Variants in NUMB observed in about 807,000 individuals in gnomAD.
The protein encoded by NUMB is NUMB endocytic adaptor protein.
A neutral mutation model predicts 59.7 loss-of-function variants in NUMB; 29 were observed. The ratio of observed to expected loss-of-function variants is 0.49; its 90% CI spans 0.36 to 0.66. The LOEUF (loss-of-function observed/expected upper bound fraction) is 0.66, where lower values mean the gene tolerates loss of function less well. Among genes scored for constraint, NUMB ranks in the 30% least tolerant of loss-of-function variants. The pLI is 0.00. For synonymous variants in NUMB, 288 were observed against 288.2 expected, an observed-to-expected ratio of 1.00 and a Z score of 0.01; for missense variants, 723 against 822.0, an observed-to-expected ratio of 0.88 and a Z score of 1.47.
intron 1 of NUMB, among the ~76,000 whole-genome samples, chr14:73,440,235 CCATATAT>C (rs1349811268): frequency 3.1e-5 from 3 of 95,272 alleles, no homozygotes; most frequent in African/African-American, 8.1e-5. Flanking sequence ...ATATGGATAT[CCATATAT>C]ATATACATCC....
chr14:73,334,286 C>T (rs79746286), intron 4 of NUMB, among the ~76,000 whole-genome samples: 1 of 152,282 alleles, frequency 6.6e-6, no homozygotes, highest in Non-Finnish European at 1.5e-5. Context: ...GACTGCTCAT[C>T]TGCGATACTT....
At chr14:73,357,555 G>C (rs1893864288) in intron 3 of NUMB, among the ~76,000 whole-genome samples, 1 of 151,710 alleles carries the variant, frequency 6.6e-6, no homozygotes, top group Non-Finnish European at 1.5e-5. Flanking sequence ...TCAGGAATTT[G>C]AATTTGAGAC....
rs151055012 is a variant in NUMB at position 73,382,447 on chromosome 14, C to CAA, written c.-100-15468_-100-15467dup. Among the ~76,000 whole-genome samples the CAA allele has an allele frequency of 1.0e-3, 135 of 132,924 alleles. 1 individual carries two copies. Among genetic ancestry groups the CAA allele is most frequent in the South Asian group, 1.6e-3 (7 of 4,284 alleles). The allele number at this position is 132,924 out of a possible 152,430, so 87.2% of individuals were successfully genotyped here. A position where few individuals can be genotyped will look rare whatever the true frequency, so the allele number is the denominator to read the frequency against. On this transcript the variant is annotated intron_variant, in intron 2 of 12. Transcript: ENST00000555238. ...CCAGCCAAAGTGCCTATTTTTATAG[C>CAA]AAAAAAAAAAAAAAGTAAGCAGAAC... is the stretch of plus-strand genomic sequence containing the variant.
At chr14:73,289,737 GT>G (rs1484893008) in intron 8 of NUMB, among the ~76,000 whole-genome samples, 7 of 152,174 alleles carry the variant, frequency 4.6e-5, no homozygotes, top group African/African-American at 9.7e-5. Flanking sequence ...ATCCACATGA[GT>G]TTCCATCTAA....
chr14:73,385,308 CTTTTTTTTTT>C (rs1174960370), intron 2 of NUMB, among the ~76,000 whole-genome samples: 15 of 112,302 alleles, frequency 1.3e-4, no homozygotes, highest in African/African-American at 4.2e-4. Flanking sequence ...CCAGTTAATT[CTTTTTTTTTT>C]TTTTTTTTTG....
chr14:73,353,072 G>GTTTTTCTTTTTTTCTTTTTTT, intron 4 of NUMB, among the ~76,000 whole-genome samples: 1 of 58,522 alleles, frequency 1.7e-5, no homozygotes, highest in East Asian at 6.3e-4. Context: ...AGTTTTTCTT[G>GTTTTTCTTTTTTTCTTTTTTT]TTTTTTTTTT....
intron 1 of NUMB, among the ~76,000 whole-genome samples, chr14:73,413,129 G>A (rs1595008589): frequency 6.6e-6 from 1 of 151,486 alleles, no homozygotes; most frequent in African/African-American, 2.4e-5. Context: ...CTGTCACCCA[G>A]GCTGGAGTGC....
At chr14:73,386,705 T>G (rs961007130) in intron 2 of NUMB, among the ~76,000 whole-genome samples, 4 of 152,052 alleles carry the variant, frequency 2.6e-5, no homozygotes, top group Non-Finnish European at 5.9e-5. Flanking sequence ...ATTCAACATT[T>G]GTTCTATATA....
At chr14:73,409,584 C>T (rs1896819379) in intron 2 of NUMB, 1 of 152,248 alleles carries the variant, frequency 6.6e-6, no homozygotes, top group Non-Finnish European at 1.5e-5. Flanking sequence ...CTTGCTCAAA[C>T]TGCAAATATA....
intron 2 of NUMB, among the ~76,000 whole-genome samples, chr14:73,367,322 CAT>C (rs1352545057): frequency 1.8e-3 from 170 of 92,290 alleles, no homozygotes; most frequent in African/African-American, 2.3e-3. Context: ...CACACACACA[CAT>C]ATATACATAT....
intron 4 of NUMB, among the ~76,000 whole-genome samples, chr14:73,350,545 A>T (rs977277505): frequency 9.6e-5 from 14 of 146,476 alleles, no homozygotes; most frequent in Non-Finnish European, 1.8e-4. Flanking sequence ...ACCTTTACCT[A>T]CTTTTTTTTC....
At chr14:73,279,764 C>T (rs1049589740) in intron 11 of NUMB, among the ~76,000 whole-genome samples, 1 of 152,248 alleles carries the variant, frequency 6.6e-6, no homozygotes, top group African/African-American at 2.4e-5. Flanking sequence ...AAATATCTAA[C>T]TATTCTAGAT....
At chr14:73,418,814 G>GA (rs973456140) in intron 1 of NUMB, among the ~76,000 whole-genome samples, 10 of 150,506 alleles carry the variant, frequency 6.6e-5, no homozygotes, top group African/African-American at 9.8e-5. Flanking sequence ...ACCACATAAG[G>GA]AAAAAAAAAG....
intron 5 of NUMB, among the ~76,000 whole-genome samples, chr14:73,319,852 C>T (rs1891303192): frequency 6.6e-6 from 1 of 152,082 alleles, no homozygotes; most frequent in Non-Finnish European, 1.5e-5. Context: ...AAAGGGGAGG[C>T]CAGGTGCAGC....
At chr14:73,377,726 G>A (rs575433423) in intron 2 of NUMB, among the ~76,000 whole-genome samples, 1 of 152,268 alleles carries the variant, frequency 6.6e-6, no homozygotes, top group East Asian at 1.9e-4. Context: ...CAGCACTTTG[G>A]GAGGCCAAGG....
At chr14:73,408,962 A>G (rs532035000) in intron 2 of NUMB, among the ~76,000 whole-genome samples, 10 of 152,244 alleles carry the variant, frequency 6.6e-5, no homozygotes, top group South Asian at 6.2e-4. Context: ...TATTTTCAAT[A>G]TCATCCTCTA....
chr14:73,303,861 G>A (rs1566734810), intron 6 of NUMB, among the ~76,000 whole-genome samples: 1 of 152,138 alleles, frequency 6.6e-6, no homozygotes, highest in Non-Finnish European at 1.5e-5. Context: ...GGTGAAATCT[G>A]AGCAGAAGGA....
At chr14:73,377,764 C>T (rs1425417684) in intron 2 of NUMB, among the ~76,000 whole-genome samples, 1 of 152,174 alleles carries the variant, frequency 6.6e-6, no homozygotes, top group African/African-American at 2.4e-5. Flanking sequence ...GTCAGGAGTT[C>T]GAGACCAGCC....
intron 2 of NUMB, among the ~76,000 whole-genome samples, chr14:73,388,831 C>T (rs1298966844): frequency 1.3e-5 from 2 of 152,082 alleles, no homozygotes; most frequent in Non-Finnish European, 2.9e-5. Context: ...GGCGCAGTGG[C>T]TCACGCCTGT....
Sources: allele counts gnomAD v4.1 joint callset (sites outside exome capture counted in the v4.1 genomes callset), GRCh38; gene constraint gnomAD v4.1.1; transcripts MANE v1.5; gene names NCBI Gene and HGNC (gene_info 2026-07-23, HGNC 2026-07-21).